COQ3: variants seen among roughly 807,000 people sequenced by gnomAD.
COQ3 encodes coenzyme Q3, methyltransferase, also known as ubiquinone biosynthesis O-methyltransferase, mitochondrial.
In COQ3, 29 loss-of-function variants were observed where a neutral mutation model predicts 33.1. That is an observed-to-expected ratio of 0.88 (90% CI 0.65 to 1.19). The LOEUF (loss-of-function observed/expected upper bound fraction) is 1.19, where lower values mean the gene tolerates loss of function less well. Ranked by LOEUF, COQ3 falls within the 50% of genes most tolerant of loss-of-function variation. The pLI is 0.00. For synonymous variants in COQ3, 173 were observed against 157.8 expected, an observed-to-expected ratio of 1.10 and a Z score of -0.72; for missense variants, 437 against 430.7, an observed-to-expected ratio of 1.01 and a Z score of -0.13.
chr6:99,388,104 C>T (rs550635881), intron 1 of COQ3, among the ~76,000 whole-genome samples: 2 of 152,082 alleles, frequency 1.3e-5, no homozygotes, highest in South Asian at 2.1e-4. Flanking sequence ...GCGGAGGTTG[C>T]GGTGAGCAGA....
intron 6 of COQ3, 94 bp downstream of exon 6, chr6:99,371,334 T>A: frequency 1.3e-6 from 1 of 761,446 alleles, no homozygotes; most frequent in Non-Finnish European, 2.1e-6. Flanking sequence ...AGTGGCCTAT[T>A]TTATTAAGTG....
chr6:99,383,596 G>A (rs1774531715), intron 2 of COQ3, 102 bp downstream of exon 2: 4 of 793,660 alleles, frequency 5.0e-6, no homozygotes, highest in Non-Finnish European at 7.5e-6. Context: ...CTTTAATCAA[G>A]ACACATGGAC....
chr6:99,375,365 G>A (rs549912590), intron 5 of COQ3, among the ~76,000 whole-genome samples: 6 of 150,616 alleles, frequency 4.0e-5, no homozygotes, highest in African/African-American at 9.7e-5. Context: ...TGGTTTTCCC[G>A]TGTTCAGCAC....
intron 2 of COQ3, among the ~76,000 whole-genome samples, chr6:99,383,476 T>C (rs181295055): frequency 1.3e-5 from 2 of 152,358 alleles, no homozygotes; most frequent in Admixed American, 1.3e-4. Flanking sequence ...GGTTGTTTAT[T>C]GTCTATATAC....
chr6:99,372,660 C>G (rs528065749), intron 5 of COQ3, among the ~76,000 whole-genome samples: 112 of 152,302 alleles, frequency 7.4e-4, no homozygotes, highest in Admixed American at 2.1e-3. Context: ...TTGTGATCCA[C>G]CTGCCTTGGC....
chr6:99,384,640 T>C (rs1270626088), intron 1 of COQ3, among the ~76,000 whole-genome samples: 1 of 152,194 alleles, frequency 6.6e-6, no homozygotes, highest in African/African-American at 2.4e-5. Flanking sequence ...CCAGTCTATA[T>C]GCTCAACTTA....
chr6:99,380,046 A>C, intron 3 of COQ3, 143 bp downstream of exon 3: 1 of 697,860 alleles, frequency 1.4e-6, no homozygotes, highest in South Asian at 2.1e-5. Context: ...AACAGTGGTA[A>C]TTGAAAAGAA....
At chr6:99,392,430 C>A (rs555055494) in intron 1 of COQ3, among the ~76,000 whole-genome samples, 2 of 152,102 alleles carry the variant, frequency 1.3e-5, no homozygotes, top group Admixed American at 1.3e-4. Context: ...TTCCACTGTC[C>A]GCGGGATAGT....
intron 3 of COQ3, among the ~76,000 whole-genome samples, chr6:99,379,483 A>G (rs549188390): frequency 2.0e-4 from 30 of 152,332 alleles, no homozygotes; most frequent in African/African-American, 5.8e-4. Context: ...GTATGAGGTA[A>G]GTTCTCAAAA....
chr6:99,384,978 G>C (rs1257444809), intron 1 of COQ3, among the ~76,000 whole-genome samples: 4 of 152,152 alleles, frequency 2.6e-5, no homozygotes, highest in African/African-American at 9.7e-5. Flanking sequence ...AGGCATGGTG[G>C]CATGTGCCTG....
intron 6 of COQ3, 91 bp from the exon 7 acceptor site, chr6:99,369,911 G>T: frequency 2.5e-6 from 2 of 816,042 alleles, no homozygotes; most frequent in Non-Finnish European, 4.0e-6. Context: ...TATTAAAAAT[G>T]CTGAGAGCAC....
chr6:99,377,284 T>C (rs1774316050), intron 4 of COQ3, 102 bp downstream of exon 4: 3 of 994,722 alleles, frequency 3.0e-6, no homozygotes, highest in Non-Finnish European at 4.7e-6. Flanking sequence ...TGCATTTCTT[T>C]TTTTAATGAA....
intron 5 of COQ3, among the ~76,000 whole-genome samples, chr6:99,375,119 G>A (rs1341412232): frequency 4.6e-5 from 7 of 150,872 alleles, no homozygotes; most frequent in East Asian, 3.9e-4. Context: ...ACAGGCATGC[G>A]CCACCACGCC....
chr6:99,380,492 C>T, intron 2 of COQ3, 151 bp from the exon 3 acceptor site: 1 of 707,904 alleles, frequency 1.4e-6, no homozygotes, highest in Non-Finnish European at 2.2e-6. Context: ...ACCAAGTTTT[C>T]TTATAATCAC....
At chr6:99,389,889 G>A (rs1487025856) in intron 1 of COQ3, among the ~76,000 whole-genome samples, 1 of 152,268 alleles carries the variant, frequency 6.6e-6, no homozygotes, top group East Asian at 1.9e-4. Flanking sequence ...TGAGGTGGGC[G>A]GATCACTTGA....
Position 99,379,112 on chromosome 6 carries a change from C to G in COQ3, c.386+1077G>C, listed in dbSNP as rs9389299. Among the ~76,000 whole-genome samples, 22 of 151,634 alleles carry G rather than the reference C, an allele frequency of 1.5e-4. No homozygotes were observed. The East Asian group carries it at 3.5e-3, about 24-fold the overall frequency. On this transcript the variant is annotated intron_variant, in intron 3 of 6. Coordinates refer to ENST00000254759, the MANE Select transcript of COQ3 (RefSeq NM_017421.4). ...CATGTGCCATGTTGGTGTGCTGCAC[C>G]CATTAACTCGTCATTTAGCATTAGG...
chr6:99,388,239 G>T (rs919323253), intron 1 of COQ3, among the ~76,000 whole-genome samples: 4 of 152,062 alleles, frequency 2.6e-5, no homozygotes, highest in Non-Finnish European at 5.9e-5. Context: ...AGTCAGTCTT[G>T]TTTCTATATA....
intron 1 of COQ3, among the ~76,000 whole-genome samples, chr6:99,392,499 C>T (rs1400422080): frequency 2.6e-5 from 4 of 152,236 alleles, no homozygotes; most frequent in Non-Finnish European, 5.9e-5. Flanking sequence ...AAGGCCTCTT[C>T]CTCATCCCTT....
At chr6:99,372,871 T>C (rs967514210) in intron 5 of COQ3, among the ~76,000 whole-genome samples, 5 of 152,056 alleles carry the variant, frequency 3.3e-5, no homozygotes, top group East Asian at 1.9e-4. Flanking sequence ...CATATTACTA[T>C]AGACATATAG....
Sources: gnomAD v4.1 joint callset for allele counts (sites outside exome capture counted in the v4.1 genomes callset) on GRCh38, gnomAD v4.1.1 for gene constraint, MANE v1.5 for transcripts, NCBI Gene and HGNC (gene_info 2026-07-23, HGNC 2026-07-21) for gene names.